SV2C: variants seen among roughly 807,000 people sequenced by gnomAD.
The protein encoded by SV2C is solute carrier family 22 member B3.
In SV2C, 49 loss-of-function variants were observed where a neutral mutation model predicts 79.7. The ratio of observed to expected loss-of-function variants is 0.61; its 90% CI spans 0.49 to 0.78. SV2C has a LOEUF of 0.78. Among genes scored for constraint, SV2C ranks in the 30% least tolerant of loss-of-function variants. The pLI, the probability that SV2C is intolerant of heterozygous loss-of-function variation, is 0.00. For missense variants in SV2C, 833 were observed against 912.9 expected (o/e 0.91, Z 1.13); for synonymous variants, 334 against 333.2 (o/e 1.00, Z -0.03).
chr5:76,353,538 A>G (rs1214716515), exon 13 of SV2C: 1 of 152,042 alleles, frequency 6.6e-6, no homozygotes, highest in Non-Finnish European at 1.5e-5. Context: ...TATCACATAA[A>G]GAGAGAAAAG....
chr5:76,017,800 CTGAT>C, the SV2C span, among the ~76,000 whole-genome samples: 1 of 152,164 alleles, frequency 6.6e-6, no homozygotes, highest in East Asian at 1.9e-4. Context: ...GTTTCTGTGT[CTGAT>C]TGAGGTGCCA....
chr5:76,080,253 C>A (rs1418928484), upstream of SV2C, among the ~76,000 whole-genome samples: 4 of 151,898 alleles, frequency 2.6e-5, no homozygotes, highest in Admixed American at 1.3e-4. Context: ...ACAAAAGAGA[C>A]AAAAAATAGT....
chr5:75,853,923 G>GTACA, the SV2C span, among the ~76,000 whole-genome samples: 1 of 147,874 alleles, frequency 6.8e-6, no homozygotes, highest in South Asian at 2.1e-4. Flanking sequence ...TGTTTTAAAT[G>GTACA]TACAGTTTGA....
At chr5:76,136,230 C>T (rs1330001654) in intron 2 of SV2C, among the ~76,000 whole-genome samples, 2 of 152,220 alleles carry the variant, frequency 1.3e-5, no homozygotes, top group Non-Finnish European at 2.9e-5. Context: ...AGGCAAATAT[C>T]AACTGCTACC....
rs957317095 is a variant in SV2C, at chr5:76,331,734, G to A, written c.*6187G>A. The A allele has an allele frequency of 4.6e-5, 7 of 152,308 alleles. No homozygotes were observed. Among genetic ancestry groups the A allele is most frequent in the Non-Finnish European group, 4.4e-5 (3 of 68,180 alleles). The allele number at this position is 152,308 out of a possible 1,614,324, so 9.4% of individuals were successfully genotyped here. A position where few individuals can be genotyped will look rare whatever the true frequency, so the allele number is the denominator to read the frequency against. On this transcript the variant is annotated 3_prime_UTR_variant, in exon 13 of 13. Coordinates refer to ENST00000502798, the MANE Select transcript of SV2C (RefSeq NM_014979.4). ...AATTCTAGCAGTGTACAAAAGCAAG[G>A]CCAAGCTTTCCTGGGGCACTTGGGA...
At chr5:75,982,088 G>A in the SV2C span, among the ~76,000 whole-genome samples, 1 of 113,406 alleles carries the variant, frequency 8.8e-6, no homozygotes, top group South Asian at 3.8e-4. Flanking sequence ...TGTGGGGTGG[G>A]GGGAGGGGGG....
intron 4 of SV2C, among the ~76,000 whole-genome samples, chr5:76,229,230 C>T (rs1031805278): frequency 1.3e-5 from 2 of 152,252 alleles, no homozygotes; most frequent in Non-Finnish European, 2.9e-5. Flanking sequence ...TGCGGGACGG[C>T]CATGTGGCCA....
intron 6 of SV2C, 152 bp from the exon 7 acceptor site, chr5:76,291,069 T>C (rs571338818): frequency 1.2e-5 from 6 of 486,686 alleles, no homozygotes; most frequent in East Asian, 3.5e-5. Context: ...CATATACTTA[T>C]GGCAGTGGTC....
the SV2C span, among the ~76,000 whole-genome samples, chr5:75,923,558 CA>C: frequency 6.6e-6 from 1 of 151,992 alleles, no homozygotes; most frequent in Non-Finnish European, 1.5e-5. Context: ...ATGAGAAACT[CA>C]AACAAATCAG....
intron 12 of SV2C, among the ~76,000 whole-genome samples, chr5:76,312,267 G>C (rs555686685): frequency 3.3e-5 from 5 of 151,310 alleles, no homozygotes; most frequent in Non-Finnish European, 4.4e-5. Flanking sequence ...TTTTTTTGGG[G>C]GGGGGGACAG....
the SV2C span, among the ~76,000 whole-genome samples, chr5:75,854,740 C>A: frequency 0.022 from 3,327 of 152,198 alleles, 69 homozygotes; most frequent in African/African-American, 0.051. Context: ...TTATTTCCTT[C>A]TCTTGTTGTT....
chr5:76,194,457 G>T (rs975528875), intron 2 of SV2C, among the ~76,000 whole-genome samples: 1 of 152,092 alleles, frequency 6.6e-6, no homozygotes, highest in African/African-American at 2.4e-5. Flanking sequence ...TCTCTAAATT[G>T]TCTCCAGGAC....
At chr5:75,927,137 T>C in the SV2C span, among the ~76,000 whole-genome samples, 1 of 152,150 alleles carries the variant, frequency 6.6e-6, no homozygotes, top group Non-Finnish European at 1.5e-5. Flanking sequence ...GGAGAGGAGC[T>C]ATGGATCCTA....
At chr5:75,865,847 G>T in the SV2C span, among the ~76,000 whole-genome samples, 536 of 152,310 alleles carry the variant, frequency 3.5e-3, 5 homozygotes, top group African/African-American at 0.012. Flanking sequence ...AATAACTTGG[G>T]TTAGCCAACC....
At chr5:76,334,392 G>A (rs188513483), downstream of SV2C, among the ~76,000 whole-genome samples, 123 of 152,270 alleles carry the variant, frequency 8.1e-4, no homozygotes, top group Admixed American at 7.0e-3. Flanking sequence ...AAGAGTTCCC[G>A]TGACTGCATT....
At chr5:75,896,766 G>A in the SV2C span, among the ~76,000 whole-genome samples, 1 of 148,740 alleles carries the variant, frequency 6.7e-6, no homozygotes. Context: ...CATTCTAACT[G>A]GTGTGAGATG....
chr5:76,247,681 A>G (rs771137204), intron 4 of SV2C, among the ~76,000 whole-genome samples: 2 of 152,164 alleles, frequency 1.3e-5, no homozygotes, highest in African/African-American at 2.4e-5. Flanking sequence ...CTAACAATCT[A>G]TTGGGAAGAA....
At chr5:76,308,781 T>A (rs943292946) in intron 12 of SV2C, among the ~76,000 whole-genome samples, 1 of 152,170 alleles carries the variant, frequency 6.6e-6, no homozygotes, top group Non-Finnish European at 1.5e-5. Flanking sequence ...GTTTTATATA[T>A]AATGTGCAGG....
intron 2 of SV2C, among the ~76,000 whole-genome samples, chr5:76,192,225 C>A (rs1440154413): frequency 6.6e-6 from 1 of 152,130 alleles, no homozygotes; most frequent in Non-Finnish European, 1.5e-5. Context: ...TATTCAAATG[C>A]AGACTTTGAG....
Sources: allele counts gnomAD v4.1 joint callset (sites outside exome capture counted in the v4.1 genomes callset), GRCh38; gene constraint gnomAD v4.1.1; transcripts MANE v1.5; gene names NCBI Gene and HGNC (gene_info 2026-07-23, HGNC 2026-07-21).